Variants in GRM1 observed in about 807,000 individuals in gnomAD.
GRM1 encodes the protein glutamate metabotropic receptor 1.
A neutral mutation model predicts 90.9 loss-of-function variants in GRM1; 33 were observed. The ratio of observed to expected loss-of-function variants is 0.36; its 90% CI spans 0.28 to 0.49. GRM1 has a LOEUF of 0.49. GRM1 is among the 20% of genes least tolerant of loss of function. GRM1 has a pLI of 0.99. For synonymous variants in GRM1, 700 were observed against 613.2 expected, an observed-to-expected ratio of 1.14 and a Z score of -2.09; for missense variants, 1,190 against 1,534.3, an observed-to-expected ratio of 0.78 and a Z score of 3.75.
At chr6:146,421,008 G>A (rs1186395617) in intron 7 of GRM1, among the ~76,000 whole-genome samples, 1 of 152,044 alleles carries the variant, frequency 6.6e-6, no homozygotes, top group Non-Finnish European at 1.5e-5. Flanking sequence ...TGATATCTTT[G>A]AAAATTGCCA....
intron 3 of GRM1, among the ~76,000 whole-genome samples, chr6:146,349,268 A>G (rs1334625548): frequency 6.9e-6 from 1 of 144,928 alleles, no homozygotes; most frequent in East Asian, 2.0e-4. Flanking sequence ...TTTTTAGTAG[A>G]TACGGGGTTT....
chr6:146,434,891 G>A lies in GRM1; in HGVS notation c.*95G>A. ...GCTGGGAGGAAAAGCCTGGGAGTGG[G>A]GGGCCTCGTCGGGAGGACAGGAGAC... On this transcript the variant is annotated 3_prime_UTR_variant, in exon 8 of 8. Coordinates refer to ENST00000282753, the MANE Select transcript of GRM1 (RefSeq NM_001278064.2). 1.5e-5 allele frequency: 17 copies of A among 1,122,806 alleles called. No individual in the cohort carries two copies. The highest frequency in any genetic ancestry group is 2.2e-5 in the Non-Finnish European group (17 of 756,566). The allele number at this position is 1,122,806 out of a possible 1,614,324, so 69.6% of individuals were successfully genotyped here. A position where few individuals can be genotyped will look rare whatever the true frequency, so the allele number is the denominator to read the frequency against.
intron 2 of GRM1, among the ~76,000 whole-genome samples, chr6:146,184,973 C>A (rs1778677097): frequency 6.6e-6 from 1 of 152,084 alleles, no homozygotes; most frequent in African/African-American, 2.4e-5. Context: ...GGTGGAGAAC[C>A]AGAAATATTC....
chr6:146,247,233 G>A (rs1426345272), intron 2 of GRM1, among the ~76,000 whole-genome samples: 1 of 152,136 alleles, frequency 6.6e-6, no homozygotes, highest in Non-Finnish European at 1.5e-5. Context: ...TAAATTCTCT[G>A]GGGAGGGAGG....
At chr6:146,109,837 T>C (rs1303472930) in intron 1 of GRM1, among the ~76,000 whole-genome samples, 1 of 152,190 alleles carries the variant, frequency 6.6e-6, no homozygotes, top group Non-Finnish European at 1.5e-5. Flanking sequence ...ATGAGAGACA[T>C]GGAGTCAAAG....
chr6:146,292,602 C>A (rs1475376848), intron 2 of GRM1, among the ~76,000 whole-genome samples: 3 of 151,706 alleles, frequency 2.0e-5, no homozygotes, highest in African/African-American at 7.3e-5. Context: ...GGCTAGAATT[C>A]AAAAAATGTA....
intron 2 of GRM1, among the ~76,000 whole-genome samples, chr6:146,301,357 G>A (rs375516886): frequency 6.1e-4 from 93 of 152,218 alleles, no homozygotes; most frequent in Middle Eastern, 6.8e-3. Context: ...TAAAGTTTTC[G>A]TCCTATAAAG....
At chr6:146,415,317 A>G (rs1416284449) in intron 7 of GRM1, among the ~76,000 whole-genome samples, 3 of 152,208 alleles carry the variant, frequency 2.0e-5, no homozygotes, top group Non-Finnish European at 4.4e-5. Flanking sequence ...CAAGTGCCCC[A>G]CTTCCTAATA....
intron 7 of GRM1, among the ~76,000 whole-genome samples, chr6:146,428,764 T>G (rs1025527187): frequency 1.3e-5 from 2 of 152,200 alleles, no homozygotes; most frequent in Admixed American, 6.5e-5. Flanking sequence ...ATTTCTTAGA[T>G]CAGCCAGTAA....
chr6:146,373,524 G>A (rs1775981533), intron 5 of GRM1, among the ~76,000 whole-genome samples: 1 of 152,024 alleles, frequency 6.6e-6, no homozygotes, highest in Non-Finnish European at 1.5e-5. Flanking sequence ...TGAGTCAATC[G>A]CCTCCCATCA....
chr6:146,073,692 C>T (rs1353354710), intron 1 of GRM1, among the ~76,000 whole-genome samples: 1 of 151,902 alleles, frequency 6.6e-6, no homozygotes, highest in East Asian at 1.9e-4. Context: ...TGACAAAAAA[C>T]TTTACAAGTA....
intron 1 of GRM1, among the ~76,000 whole-genome samples, chr6:146,096,470 G>T (rs1246491169): frequency 6.6e-6 from 1 of 152,166 alleles, no homozygotes; most frequent in East Asian, 1.9e-4. Flanking sequence ...CCTGCTTAAA[G>T]GACCCAGTGG....
At chr6:146,168,755 A>G (rs1182445942) in intron 2 of GRM1, among the ~76,000 whole-genome samples, 1 of 152,084 alleles carries the variant, frequency 6.6e-6, no homozygotes, top group Non-Finnish European at 1.5e-5. Flanking sequence ...TTTATGGTCA[A>G]TACTCTAGAG....
At chr6:146,127,550 G>C (rs1428803655) in intron 1 of GRM1, among the ~76,000 whole-genome samples, 3 of 152,046 alleles carry the variant, frequency 2.0e-5, no homozygotes, top group Non-Finnish European at 2.9e-5. Context: ...TCAGACACGG[G>C]GTGCAATAGA....
At chr6:146,372,522 T>C (rs1775940530) in intron 5 of GRM1, among the ~76,000 whole-genome samples, 1 of 152,078 alleles carries the variant, frequency 6.6e-6, no homozygotes, top group Non-Finnish European at 1.5e-5. Flanking sequence ...GGGGTATTGC[T>C]CAAGAAATTT....
intron 2 of GRM1, among the ~76,000 whole-genome samples, chr6:146,273,807 G>A (rs1055057791): frequency 1.3e-5 from 2 of 152,210 alleles, no homozygotes; most frequent in Non-Finnish European, 2.9e-5. Flanking sequence ...ATGGATAATT[G>A]TTAAAGGGTT....
intron 7 of GRM1, among the ~76,000 whole-genome samples, chr6:146,408,711 G>A (rs1263039614): frequency 6.6e-6 from 1 of 152,158 alleles, no homozygotes; most frequent in African/African-American, 2.4e-5. Context: ...GGAAGTGGAG[G>A]CATGCTACTG....
At chr6:146,404,954 C>T (rs1294688767) in intron 7 of GRM1, among the ~76,000 whole-genome samples, 3 of 152,038 alleles carry the variant, frequency 2.0e-5, no homozygotes, top group Non-Finnish European at 2.9e-5. Context: ...CCAAGACATG[C>T]ATATGAAAAA....
At chr6:146,074,681 A>G (rs1381910051) in intron 1 of GRM1, among the ~76,000 whole-genome samples, 2 of 152,144 alleles carry the variant, frequency 1.3e-5, no homozygotes, top group African/African-American at 4.8e-5. Context: ...AACAAGCCTT[A>G]TTCTTAAATT....
Sources: allele counts gnomAD v4.1 joint callset (sites outside exome capture counted in the v4.1 genomes callset), GRCh38; gene constraint gnomAD v4.1.1; transcripts MANE v1.5; gene names NCBI Gene and HGNC (gene_info 2026-07-23, HGNC 2026-07-21).